The following ZNF438 variants were observed in gnomAD, a reference collection of about 807,000 sequenced individuals.
ZNF438 encodes the protein zinc finger protein 438.
A neutral mutation model predicts 38.0 loss-of-function variants in ZNF438; 25 were observed. The ratio of observed to expected loss-of-function variants is 0.66; its 90% CI spans 0.48 to 0.92. ZNF438 has a LOEUF of 0.92. Among genes scored for constraint, ZNF438 ranks in the 40% least tolerant of loss-of-function variants. The probability of loss-of-function intolerance (pLI) is 0.00; values close to 1 mark genes in which losing one functional copy is unlikely to be tolerated. For missense variants in ZNF438, 1,007 were observed against 999.6 expected, an observed-to-expected ratio of 1.01 and a Z score of -0.10; for synonymous variants, 372 against 364.1, an observed-to-expected ratio of 1.02 and a Z score of -0.25.
Position 30,939,947 on chromosome 10 carries a change from C to G in ZNF438, c.-115+1628G>C, listed in dbSNP as rs558873069. ...CATTGTTTTTGTGGAAAAATATATT[C>G]TGCATTCCAAACAACAGAACTAGAC... On this transcript the variant is annotated intron_variant, in intron 2 of 5. Coordinates refer to ENST00000413025, the Ensembl canonical transcript of ZNF438. Among the ~76,000 whole-genome samples, 5 of 152,280 alleles carry G rather than the reference C, an allele frequency of 3.3e-5. No homozygotes were observed. The South Asian group carries it at 1.0e-3, about 32-fold the overall frequency.
chr10:30,894,869 T>C (rs1438627223), intron 3 of ZNF438, among the ~76,000 whole-genome samples: 1 of 152,224 alleles, frequency 6.6e-6, no homozygotes, highest in Non-Finnish European at 1.5e-5. Context: ...TAACTACTAA[T>C]TGGTATAAAT....
At chr10:30,868,813 T>C (rs1015811428) in intron 4 of ZNF438, among the ~76,000 whole-genome samples, 1 of 152,244 alleles carries the variant, frequency 6.6e-6, no homozygotes, top group African/African-American at 2.4e-5. Flanking sequence ...TTTGAACAGA[T>C]GTACACAATC....
Position 30,950,740 on chromosome 10 carries a change from A to G in ZNF438, c.-191-9089T>C, listed in dbSNP as rs189606626. Among the ~76,000 whole-genome samples, 1,372 of 138,752 alleles carry G rather than the reference A, an allele frequency of 9.9e-3. 27 individuals carry two copies. The highest frequency in any genetic ancestry group is 0.035 in the African/African-American group (1,264 of 35,754). The allele number at this position is 138,752 out of a possible 152,430, so 91.0% of individuals were successfully genotyped here. A position where few individuals can be genotyped will look rare whatever the true frequency, so the allele number is the denominator to read the frequency against. On this transcript the variant is annotated intron_variant, in intron 1 of 5. Coordinates refer to ENST00000413025, the Ensembl canonical transcript of ZNF438. ...GAATAGACCAATAACAGGATCTGAT[A>G]CTGTGGCAATAATCAATAGCTTACC...
At chr10:30,874,551 G>T (rs1001803315) in intron 4 of ZNF438, among the ~76,000 whole-genome samples, 2 of 151,956 alleles carry the variant, frequency 1.3e-5, no homozygotes, top group African/African-American at 4.8e-5. Flanking sequence ...GCATTTGAAT[G>T]AATGAATGAG....
rs116294901 is a variant in ZNF438, at chr10:30,992,239, C to T, written c.-192+39594G>A. Among the ~76,000 whole-genome samples, 620 of 152,064 alleles carry T rather than the reference C, an allele frequency of 4.1e-3. 7 individuals carry two copies. Among genetic ancestry groups the T allele is most frequent in the African/African-American group, 0.014 (577 of 41,462 alleles). On this transcript the variant is annotated intron_variant, in intron 1 of 5. Coordinates refer to ENST00000413025, the Ensembl canonical transcript of ZNF438. Reference sequence around the variant, plus strand: ...CTGAGACATAAAATTGGTACCAAGACGTAGGATTTTTGCTATAATATCTGA... The same window carrying T: ...CTGAGACATAAAATTGGTACCAAGATGTAGGATTTTTGCTATAATATCTGA...
At chr10:30,874,601 G>A (rs1453541154) in intron 4 of ZNF438, among the ~76,000 whole-genome samples, 1 of 152,004 alleles carries the variant, frequency 6.6e-6, no homozygotes, top group African/African-American at 2.4e-5. Flanking sequence ...GGACTTACAT[G>A]TATTCACATA....
intron 4 of ZNF438, among the ~76,000 whole-genome samples, chr10:30,865,074 T>C (rs2036206237): frequency 6.6e-6 from 1 of 152,230 alleles, no homozygotes; most frequent in Admixed American, 6.5e-5. Context: ...TAGAACTAAG[T>C]TGTTTAGCAA....
chr10:30,932,270 A>C (rs1179871829), intron 2 of ZNF438, among the ~76,000 whole-genome samples: 1 of 152,076 alleles, frequency 6.6e-6, no homozygotes, highest in African/African-American at 2.4e-5. Context: ...TTATTTTTTC[A>C]TGCAACAATT....
chr10:31,032,036 C>G (rs983474753), upstream of ZNF438: 1 of 152,136 alleles, frequency 6.6e-6, no homozygotes. Flanking sequence ...CAGGCGCAGA[C>G]GGCCTCTGCG....
At chr10:31,004,116 T>C (rs1159313325) in intron 1 of ZNF438, among the ~76,000 whole-genome samples, 1 of 152,078 alleles carries the variant, frequency 6.6e-6, no homozygotes, top group Non-Finnish European at 1.5e-5. Flanking sequence ...ACATTTTGAT[T>C]GTCACAATAA....
chr10:30,924,166 G>A (rs1165507889), intron 2 of ZNF438, among the ~76,000 whole-genome samples: 1 of 152,242 alleles, frequency 6.6e-6, no homozygotes, highest in Non-Finnish European at 1.5e-5. Context: ...CCAGTAACAA[G>A]TCATATTGTT....
At chr10:30,990,958 GA>G (rs1403815121) in intron 1 of ZNF438, among the ~76,000 whole-genome samples, 4 of 151,176 alleles carry the variant, frequency 2.6e-5, no homozygotes, top group African/African-American at 7.3e-5. Flanking sequence ...AATTTAACTG[GA>G]AAAAAAATTG....
intron 3 of ZNF438, among the ~76,000 whole-genome samples, chr10:30,893,120 A>G (rs750778541): frequency 6.6e-6 from 1 of 152,248 alleles, no homozygotes; most frequent in Non-Finnish European, 1.5e-5. Flanking sequence ...TGATTTATCT[A>G]ACAACGCATG....
In ZNF438 at chr10:30,849,824, A is replaced by G. The variant is rs763359773; in HGVS notation, c.581T>C (p.Leu194Pro). 4 of 1,614,028 alleles carry G rather than the reference A, an allele frequency of 2.5e-6. No homozygotes were observed. Among genetic ancestry groups the G allele is most frequent in the Admixed American group, 3.3e-5 (2 of 59,994 alleles). Residue 194 changes from leucine to proline, a missense_variant, in exon 5 of 6, where the codon CTG becomes CCG. By Grantham distance (98) the Leu-to-Pro change is moderately conservative. Coordinates refer to ENST00000413025, the Ensembl canonical transcript of ZNF438. ...GTCCCCATGGTCACTTCCATTGGTC[A>G]GCGCAGCTGTGCTAATGCTGGCTGG...
intron 1 of ZNF438, among the ~76,000 whole-genome samples, chr10:31,001,531 A>C (rs1468896583): frequency 6.6e-6 from 1 of 152,220 alleles, no homozygotes; most frequent in Non-Finnish European, 1.5e-5. Flanking sequence ...AACTGATTTT[A>C]AAAATTATAT....
intron 1 of ZNF438, among the ~76,000 whole-genome samples, chr10:30,943,245 T>C (rs1053594040): frequency 6.6e-6 from 1 of 152,096 alleles, no homozygotes; most frequent in Non-Finnish European, 1.5e-5. Context: ...GAAGAAACAG[T>C]TGTTTCTCTA....
intron 1 of ZNF438, 80 bp downstream of exon 2, chr10:30,984,289 T>C (rs145466592): frequency 8.0e-4 from 122 of 152,300 alleles, no homozygotes; most frequent in African/African-American, 2.7e-3. Flanking sequence ...TATGCCCCAC[T>C]GTCTACTTTG....
At chr10:30,961,836 C>G (rs550356678) in intron 1 of ZNF438, among the ~76,000 whole-genome samples, 2 of 141,038 alleles carry the variant, frequency 1.4e-5, no homozygotes, top group Non-Finnish European at 3.2e-5. Context: ...TGCAGTGGGC[C>G]GAGATTGCAC....
chr10:30,908,978 G>T (rs796525043), exon 3 of ZNF438: 7 of 152,194 alleles, frequency 4.6e-5, no homozygotes, highest in African/African-American at 1.4e-4. Context: ...CCATCAAAAT[G>T]TTCAGAAGAT....
Sources: gnomAD v4.1 joint callset for allele counts (sites outside exome capture counted in the v4.1 genomes callset) on GRCh38, gnomAD v4.1.1 for gene constraint, MANE v1.5 for transcripts, NCBI Gene and HGNC (gene_info 2026-07-23, HGNC 2026-07-21) for gene names.